GARNL3: variants seen among roughly 807,000 people sequenced by gnomAD.
GARNL3 encodes the protein GTPase-activating Rap/Ran-GAP domain-like protein 3.
A neutral mutation model predicts 125.0 loss-of-function variants in GARNL3; 63 were observed. The observed-to-expected ratio is 0.50, with a 90% CI of 0.41 to 0.62. The LOEUF (loss-of-function observed/expected upper bound fraction) is 0.62, where lower values mean the gene tolerates loss of function less well. GARNL3 is among the 20% of genes least tolerant of loss of function. GARNL3 has a pLI of 0.00. For synonymous variants in GARNL3, 439 were observed against 457.5 expected, an observed-to-expected ratio of 0.96 and a Z score of 0.52; for missense variants, 994 against 1,244.0, an observed-to-expected ratio of 0.80 and a Z score of 3.02.
At chr9:127,315,309 G>C (rs928537339) in intron 4 of GARNL3, among the ~76,000 whole-genome samples, 1 of 152,112 alleles carries the variant, frequency 6.6e-6, no homozygotes, top group African/African-American at 2.4e-5. Flanking sequence ...TCTCCCAACT[G>C]CCAGCACACA....
rs916507699 is a variant in GARNL3 at position 127,280,185 on chromosome 9, A to T, written c.145-10983A>T. Among the ~76,000 whole-genome samples the T allele has an allele frequency of 8.5e-5, 13 of 152,130 alleles. No individual in the cohort carries two copies. The highest frequency in any genetic ancestry group is 8.5e-4 in the Admixed American group (13 of 15,270). ...AGGATGCAGATTGTGAAGAGGTTAA[A>T]TCTCCCCCAGCCCCTTGGCATGTTG... On this transcript the variant is annotated intron_variant, in intron 1 of 27. Transcript: ENST00000373387. The surrounding 1 kb of genome is among the most constrained non-coding windows in gnomAD (Gnocchi z 4.5).
chr9:127,234,686 CAG>C (rs1348740487), intron 1 of GARNL3, among the ~76,000 whole-genome samples: 1 of 152,170 alleles, frequency 6.6e-6, no homozygotes, highest in African/African-American at 2.4e-5. Context: ...AATTTATAAA[CAG>C]AAATTTATTG....
At chr9:127,345,796 C>A (rs1334741552) in intron 16 of GARNL3, among the ~76,000 whole-genome samples, 1 of 152,246 alleles carries the variant, frequency 6.6e-6, no homozygotes, top group Non-Finnish European at 1.5e-5. Flanking sequence ...AATGCGTGTT[C>A]TGATCCAGTA....
intron 2 of GARNL3, among the ~76,000 whole-genome samples, chr9:127,247,095 G>C (rs1054011828): frequency 6.6e-6 from 1 of 152,114 alleles, no homozygotes; most frequent in Non-Finnish European, 1.5e-5. Flanking sequence ...GTGTGGTGAA[G>C]TAGTGAAAGT....
intron 6 of GARNL3, among the ~76,000 whole-genome samples, chr9:127,322,936 A>G (rs1490603580): frequency 6.6e-6 from 1 of 152,074 alleles, no homozygotes; most frequent in African/African-American, 2.4e-5. Context: ...GTTTCTTCCC[A>G]CTCCTACCCA....
chr9:127,360,095 A>G (rs961668241), intron 21 of GARNL3, among the ~76,000 whole-genome samples: 1 of 152,150 alleles, frequency 6.6e-6, no homozygotes, highest in African/African-American at 2.4e-5. Context: ...ATCTCGGCTC[A>G]CTGCAACCTC....
At chr9:127,250,582 T>C (rs1226014231) in intron 2 of GARNL3, among the ~76,000 whole-genome samples, 1 of 152,192 alleles carries the variant, frequency 6.6e-6, no homozygotes, top group Non-Finnish European at 1.5e-5. Context: ...TGTTCAGTAT[T>C]TTGAAGTCTG....
intron 1 of GARNL3, among the ~76,000 whole-genome samples, chr9:127,278,073 T>C (rs1195743813): frequency 6.6e-6 from 1 of 152,208 alleles, no homozygotes; most frequent in Non-Finnish European, 1.5e-5. Flanking sequence ...TACTTCATAG[T>C]ATTTTTGTGT....
At chr9:127,333,808 C>A (rs1829400213) in intron 9 of GARNL3, among the ~76,000 whole-genome samples, 1 of 151,968 alleles carries the variant, frequency 6.6e-6, no homozygotes, top group East Asian at 1.9e-4. Flanking sequence ...GGGGCATGAC[C>A]CTGAAGGGAG....
intron 25 of GARNL3, 35 bp downstream of exon 25, chr9:127,387,366 G>T (rs1832597328): frequency 1.3e-6 from 2 of 1,565,092 alleles, no homozygotes; most frequent in African/African-American, 2.7e-5. Flanking sequence ...ATTAATATTT[G>T]TAATTCACTC....
intron 22 of GARNL3, among the ~76,000 whole-genome samples, chr9:127,371,213 C>T (rs559189905): frequency 3.3e-4 from 51 of 152,330 alleles, no homozygotes; most frequent in African/African-American, 1.2e-3. Flanking sequence ...CGGTGTAGCA[C>T]GCACGGAATT....
chr9:127,366,380 A>G (rs149715367), intron 22 of GARNL3, among the ~76,000 whole-genome samples: 2 of 152,200 alleles, frequency 1.3e-5, no homozygotes, highest in Non-Finnish European at 2.9e-5. Flanking sequence ...CAGGTCTTTA[A>G]TGGCCCATGT....
chr9:127,328,349 T>TTC (rs1199775259), intron 7 of GARNL3, among the ~76,000 whole-genome samples: 2 of 152,190 alleles, frequency 1.3e-5, no homozygotes, highest in African/African-American at 2.4e-5. Context: ...ATCCTGCTGC[T>TTC]TCTCAACTGG....
chr9:127,318,711 C>A (rs2065309163), intron 5 of GARNL3, among the ~76,000 whole-genome samples: 1 of 152,160 alleles, frequency 6.6e-6, no homozygotes, highest in South Asian at 2.1e-4. Flanking sequence ...TGGCAGCCTC[C>A]CCTAGGGAAT....
At chr9:127,264,013 C>T (rs1347183912), upstream of GARNL3, 10 of 1,475,220 alleles carry the variant, frequency 6.8e-6, no homozygotes, top group Non-Finnish European at 9.1e-6. Context: ...CTAAATGCAC[C>T]TTTCTTTGCA....
intron 13 of GARNL3, 96 bp from the exon 14 acceptor site, chr9:127,342,123 C>T: frequency 1.2e-6 from 1 of 840,040 alleles, no homozygotes; most frequent in East Asian, 2.5e-5. Context: ...CCTAGATTCA[C>T]AGAACTAAAG....
At chr9:127,346,214 G>A (rs1830131813) in intron 16 of GARNL3, among the ~76,000 whole-genome samples, 1 of 152,126 alleles carries the variant, frequency 6.6e-6, no homozygotes, top group African/African-American at 2.4e-5. Flanking sequence ...TTGTAGAACA[G>A]TACCCCATGT....
upstream of GARNL3, chr9:127,263,995 A>G (rs2063647722): frequency 6.6e-7 from 1 of 1,523,578 alleles, no homozygotes; most frequent in South Asian, 1.2e-5. Context: ...AGGAAGGATG[A>G]AAAGGTACTA....
chr9:127,299,495 G>C (rs972383559), intron 2 of GARNL3, among the ~76,000 whole-genome samples: 2 of 152,126 alleles, frequency 1.3e-5, no homozygotes, highest in African/African-American at 4.8e-5. Flanking sequence ...TGCCTCCCAG[G>C]TTCAAGCGAT....
Sources: gnomAD v4.1 joint callset for allele counts (sites outside exome capture counted in the v4.1 genomes callset) on GRCh38, gnomAD v4.1.1 for gene constraint, Gnocchi (gnomAD v3.1) non-coding constraint, MANE v1.5 for transcripts, NCBI Gene and HGNC (gene_info 2026-07-23, HGNC 2026-07-21) for gene names.